Variants in ODAD3 observed in about 807,000 individuals in gnomAD.
The protein encoded by ODAD3 is outer dynein arm-docking complex subunit 3.
A neutral mutation model predicts 70.9 loss-of-function variants in ODAD3; 57 were observed. That is an observed-to-expected ratio of 0.80 (90% CI 0.65 to 1.00). ODAD3 has a LOEUF of 1.00. ODAD3 is among the 50% of genes least tolerant of loss of function. The probability of loss-of-function intolerance (pLI) is 0.00; values close to 1 mark genes in which losing one functional copy is unlikely to be tolerated. For missense variants in ODAD3, 797 were observed against 763.9 expected (o/e 1.04, Z -0.51); for synonymous variants, 327 against 315.9 (o/e 1.04, Z -0.37).
At position 11,425,203 on chromosome 19, in the gene ODAD3, G is replaced by A. The variant is rs369886491; in HGVS notation, c.963+941C>T. 4.2e-3 allele frequency among the ~76,000 whole-genome samples: 455 copies of A among 108,966 alleles called. 67 individuals carry two copies. The highest frequency in any genetic ancestry group is 0.017 in the African/African-American group (259 of 15,522). 71.5% of individuals were successfully genotyped at this position (108,966 alleles called of 152,430 possible). On this transcript the variant is annotated intron_variant, in intron 7 of 12. Coordinates refer to ENST00000356392, the MANE Select transcript of ODAD3 (RefSeq NM_145045.5). ...TATGTGTATATATACATATGTGTATGTGTACATATGTGTATATATGTGTGT... is the reference window on the plus strand; with the variant it reads ...TATGTGTATATATACATATGTGTATATGTACATATGTGTATATATGTGTGT...
At chr19:11,429,498 C>T (rs1188331749) in intron 3 of ODAD3, among the ~76,000 whole-genome samples, 3 of 151,906 alleles carry the variant, frequency 2.0e-5, no homozygotes, top group African/African-American at 4.8e-5. Context: ...GCAACTTCTG[C>T]CTCTTGGGTT....
Position 11,435,019 on chromosome 19 carries a change from T to C in ODAD3, c.-3A>G, listed in dbSNP as rs1969634110. 6 of 1,608,872 alleles carry C rather than the reference T, an allele frequency of 3.7e-6. No homozygotes were observed. In the East Asian group the frequency reaches 1.3e-4, roughly 36 times the overall value. On this transcript the variant is annotated 5_prime_UTR_variant, in exon 1 of 13. Coordinates refer to ENST00000356392, the MANE Select transcript of ODAD3 (RefSeq NM_145045.5). Reference sequence around the variant, plus strand: ...GCCCTGCACAGAGGAGATGTCATGATGGGGTTGGGGCTGAAGGCCCCTAGG... The same window carrying C: ...GCCCTGCACAGAGGAGATGTCATGACGGGGTTGGGGCTGAAGGCCCCTAGG...
intron 3 of ODAD3, among the ~76,000 whole-genome samples, chr19:11,428,760 G>A (rs1294314132): frequency 1.3e-5 from 2 of 152,132 alleles, no homozygotes; most frequent in South Asian, 2.1e-4. Flanking sequence ...ATGTTGGCAG[G>A]CTGGTCTCAA....
chr19:11,431,102 G>T, intron 1 of ODAD3, 82 bp from the exon 2 acceptor site: 1 of 1,527,538 alleles, frequency 6.5e-7, no homozygotes, highest in Non-Finnish European at 8.8e-7. Context: ...GACCTTTTTT[G>T]CAATCATCAA....
intron 7 of ODAD3, 91 bp downstream of exon 7, chr19:11,426,053 G>C (rs952829977): frequency 4.4e-5 from 65 of 1,480,964 alleles, no homozygotes. Flanking sequence ...CAGAAAATGG[G>C]AGAAGGCCTA....
At chr19:11,430,660 C>G in intron 3 of ODAD3, 39 bp downstream of exon 3, 2 of 1,608,222 alleles carry the variant, frequency 1.2e-6, no homozygotes, top group African/African-American at 2.7e-5. Context: ...GGGACCCAGG[C>G]TGGAAATGAA....
At chr19:11,428,410 T>G (rs550926945) in intron 3 of ODAD3, among the ~76,000 whole-genome samples, 1 of 151,924 alleles carries the variant, frequency 6.6e-6, no homozygotes, top group African/African-American at 2.4e-5. Context: ...CCTGGGTACG[T>G]TTTTGTATTT....
At chr19:11,424,333 G>A (rs895477014) in intron 7 of ODAD3, among the ~76,000 whole-genome samples, 14 of 151,690 alleles carry the variant, frequency 9.2e-5, no homozygotes, top group Non-Finnish European at 1.5e-4. Flanking sequence ...GCGAGACCCC[G>A]TCTCTACAAA....
Position 11,422,565 on chromosome 19 carries a change from TC to T in ODAD3, c.1339del (p.Glu447ArgfsTer27). 6.3e-7 allele frequency: 1 copy of T among 1,590,854 alleles called. No homozygotes were observed. Among genetic ancestry groups the T allele is most frequent in the Non-Finnish European group, 8.5e-7 (1 of 1,170,872 alleles). ...RLKKEERRHA[E>X]AKDQLERALR... ...GGCGCGCTCCAGCTGGTCCTTGGCC[TC>T]GGCGTGCCGCCGCTCCTCCTTCTTG... is the stretch of plus-strand genomic sequence containing the variant. On this transcript the variant is annotated frameshift_variant, in exon 10 of 13. Coordinates refer to ENST00000356392, the MANE Select transcript of ODAD3 (RefSeq NM_145045.5). LOFTEE classifies it high-confidence loss of function. This position sits in a 1 kb window ranked among gnomAD's most constrained non-coding sequence, Gnocchi z 4.6.
chr19:11,427,279 T>A (rs1969401979), intron 3 of ODAD3, among the ~76,000 whole-genome samples: 1 of 151,908 alleles, frequency 6.6e-6, no homozygotes, highest in Non-Finnish European at 1.5e-5. Context: ...AAAAAAATAT[T>A]TTTAAATTTT....
In ODAD3 at chr19:11,421,757, C is replaced by A; in HGVS notation, c.1510G>T (p.Glu504Ter). ...GCCTGCAGTTTCAGCAGCTTTTCCTCCACGAGGCCCAGCAGGTTTGGCACA... is the reference window on the plus strand; with the variant it reads ...GCCTGCAGTTTCAGCAGCTTTTCCTACACGAGGCCCAGCAGGTTTGGCACA... ...NYVPNLLGLV[E>*]EKLLKLQAQL... Residue 504 changes from glutamate to a stop codon, truncating the protein, a stop_gained, in exon 11 of 13, where the codon GAG (glutamate) becomes TAG (stop). Transcript: ENST00000356392. LOFTEE classifies it high-confidence loss of function. The A allele has an allele frequency of 6.2e-7, 1 of 1,613,464 alleles. No homozygotes were observed. The highest frequency in any genetic ancestry group is 8.5e-7 in the Non-Finnish European group (1 of 1,180,006).
Position 11,425,362 on chromosome 19 carries a change from CAT to C in ODAD3, c.963+780_963+781del, listed in dbSNP as rs1491168984. Among the ~76,000 whole-genome samples, 43 of 102,266 alleles carry C rather than the reference CAT, an allele frequency of 4.2e-4. 1 individual carries two copies. Among genetic ancestry groups the C allele is most frequent in the South Asian group, 5.8e-4 (2 of 3,464 alleles). 67.1% of individuals were successfully genotyped at this position (102,266 alleles called of 152,430 possible). On this transcript the variant is annotated intron_variant, in intron 7 of 12. Transcript: ENST00000356392. The stretch of plus-strand genomic sequence containing the variant: ...ATATATGTATATATGTGTATATGTA[CAT>C]ATGTGTATATATGTGTGTATGTACA...
At position 11,434,534 on chromosome 19, in the gene ODAD3, C is replaced by CAA. The variant is rs35624049; in HGVS notation, c.244+237_244+238dup. On this transcript the variant is annotated intron_variant, in intron 1 of 12. Transcript: ENST00000356392. The stretch of plus-strand genomic sequence containing the variant: ...ACCTGGCAACAGAGTGAGATTCTGC[C>CAA]AAAAAAAAAAAAAAAAATAGAGAAA... The CAA allele has an allele frequency of 5.8e-3, 1,032 of 177,304 alleles. No homozygotes were observed. Among genetic ancestry groups the CAA allele is most frequent in the East Asian group, 0.012 (111 of 9,054 alleles). 11.0% of individuals were successfully genotyped at this position (177,304 alleles called of 1,614,324 possible). A position where few individuals can be genotyped will look rare whatever the true frequency, so the allele number is the denominator to read the frequency against.
At chr19:11,435,634 T>G (rs150481283), upstream of ODAD3, 501 of 1,247,260 alleles carry the variant, frequency 4.0e-4, 3 homozygotes, top group African/African-American at 6.8e-3. Context: ...ATTTCCGCTT[T>G]CTTTCTGCAG....
rs117929671 is a variant in ODAD3, at chr19:11,434,682, A to G, written c.244+91T>C. ...TTTTGCCCAGAAACGGTTTACCTAG[A>G]CTCATGCTGGAGAAATACCTTTGTC... On this transcript the variant is annotated intron_variant, in intron 1 of 12. Transcript: ENST00000356392. The G allele has an allele frequency of 7.3e-3, 10,840 of 1,487,932 alleles. 56 individuals carry two copies. The highest frequency in any genetic ancestry group is 0.013 in the South Asian group (1,006 of 76,944). The allele number at this position is 1,487,932 out of a possible 1,614,324, so 92.2% of individuals were successfully genotyped here. A position where few individuals can be genotyped will look rare whatever the true frequency, so the allele number is the denominator to read the frequency against.
upstream of ODAD3, chr19:11,435,290 A>G: frequency 5.8e-6 from 6 of 1,034,956 alleles, no homozygotes; most frequent in Non-Finnish European, 7.9e-6. Flanking sequence ...GGCGGGGTAG[A>G]GCCGCGCCGC....
chr19:11,427,479 TTTTC>T (rs1412244495), intron 3 of ODAD3, among the ~76,000 whole-genome samples: 1 of 70,548 alleles, frequency 1.4e-5, no homozygotes, highest in East Asian at 4.0e-4. Context: ...TTTTGTTTTC[TTTTC>T]TTTTTTTTTT....
intron 3 of ODAD3, among the ~76,000 whole-genome samples, chr19:11,428,046 G>A (rs1969422858): frequency 1.3e-5 from 2 of 150,922 alleles, no homozygotes; most frequent in South Asian, 4.2e-4. Flanking sequence ...CTTGCAGTGA[G>A]CCAAGATCGT....
intron 1 of ODAD3, among the ~76,000 whole-genome samples, chr19:11,432,009 G>A (rs960073661): frequency 6.6e-6 from 1 of 151,204 alleles, no homozygotes; most frequent in Middle Eastern, 3.2e-3. Flanking sequence ...GCTACAGGAG[G>A]CTGAGGCACA....
Sources: gnomAD v4.1 joint callset for allele counts (sites outside exome capture counted in the v4.1 genomes callset) on GRCh38, gnomAD v4.1.1 for gene constraint, Gnocchi (gnomAD v3.1) non-coding constraint, MANE v1.5 for transcripts, NCBI Gene and HGNC (gene_info 2026-07-23, HGNC 2026-07-21) for gene names.